Variants in NDST3 observed in about 807,000 individuals in gnomAD.
NDST3 encodes the protein bifunctional heparan sulfate N-deacetylase/N-sulfotransferase 3.
In NDST3, 58 loss-of-function variants were observed where a neutral mutation model predicts 96.1. The ratio of observed to expected loss-of-function variants is 0.60; its 90% CI spans 0.49 to 0.75. The LOEUF (loss-of-function observed/expected upper bound fraction) is 0.75. NDST3 is among the 30% of genes least tolerant of loss of function. The pLI is 0.00. For missense variants in NDST3, 788 were observed against 1,034.2 expected (o/e 0.76, Z 3.27); for synonymous variants, 333 against 359.7 (o/e 0.93, Z 0.84).
At chr4:118,226,070 C>G (rs1739860908) in intron 7 of NDST3, among the ~76,000 whole-genome samples, 1 of 151,812 alleles carries the variant, frequency 6.6e-6, no homozygotes, top group Non-Finnish European at 1.5e-5. Flanking sequence ...TAAAAATAAG[C>G]AGAAGTCTTA....
intron 6 of NDST3, among the ~76,000 whole-genome samples, chr4:118,170,538 G>A (rs1735870091): frequency 6.6e-6 from 1 of 152,132 alleles, no homozygotes; most frequent in South Asian, 2.1e-4. Context: ...GACCAGCCTG[G>A]CCAATATGGT....
At chr4:118,060,528 C>T (rs1725809630) in intron 2 of NDST3, among the ~76,000 whole-genome samples, 1 of 152,062 alleles carries the variant, frequency 6.6e-6, no homozygotes, top group Non-Finnish European at 1.5e-5. Flanking sequence ...TTTTAATTAA[C>T]AAGATCAATC....
Position 118,054,273 on chromosome 4 carries a change from A to G in NDST3, c.363A>G (p.Ile121Met). The change falls in exon 2 of 14, where the codon ATA becomes ATG. Residue 121 changes from isoleucine to methionine, a missense_variant. Physicochemically the swap from Ile to Met is conservative, Grantham distance 10. This residue lies in a region of NDST3 where 234 missense variants were observed against 256.9 expected (regional missense o/e 0.91). Coordinates refer to ENST00000296499, the MANE Select transcript of NDST3 (RefSeq NM_004784.3). The stretch of plus-strand genomic sequence containing the variant: ...GAAAGGGAGATCTCCCAGTGCTTAT[A>G]GACAAAATGAAAGGCAAATACATTC... Reference protein sequence around the residue: ...APGKGDLPVLIDKMKGKYILI... With the variant: ...APGKGDLPVLMDKMKGKYILI... 1.2e-6 allele frequency: 2 copies of G among 1,612,522 alleles called. No homozygotes were observed. Among genetic ancestry groups the G allele is most frequent in the Non-Finnish European group, 1.7e-6 (2 of 1,179,234 alleles).
chr4:118,234,312 C>T lies in NDST3; in HGVS notation c.1943+1177C>T, dbSNP rs193143550. On this transcript the variant is annotated intron_variant, in intron 9 of 13. Transcript: ENST00000296499. ...CTGTGGTCTCAGCTAATTTGGGAGGCTGAGATGGGAGGATAACCTGAGCCC... is the reference window on the plus strand; with the variant it reads ...CTGTGGTCTCAGCTAATTTGGGAGGTTGAGATGGGAGGATAACCTGAGCCC... Among the ~76,000 whole-genome samples the T allele has an allele frequency of 7.9e-5, 12 of 152,056 alleles. No homozygotes were observed. The East Asian group carries it at 2.1e-3, about 27-fold the overall frequency.
At chr4:118,172,249 G>A (rs750909475) in intron 6 of NDST3, among the ~76,000 whole-genome samples, 2 of 152,132 alleles carry the variant, frequency 1.3e-5, no homozygotes, top group Non-Finnish European at 2.9e-5. Flanking sequence ...AGTAAAATTG[G>A]GATTCTGAGA....
At chr4:118,071,151 T>C (rs1483270521) in intron 2 of NDST3, among the ~76,000 whole-genome samples, 2 of 152,138 alleles carry the variant, frequency 1.3e-5, no homozygotes, top group Non-Finnish European at 2.9e-5. Flanking sequence ...TGGTTCCAAG[T>C]CTTTCTATTG....
intron 6 of NDST3, among the ~76,000 whole-genome samples, chr4:118,185,600 G>A (rs1004112586): frequency 6.6e-6 from 1 of 152,144 alleles, no homozygotes; most frequent in East Asian, 1.9e-4. Flanking sequence ...TCTTGAGCCA[G>A]GGTACATTCA....
chr4:118,071,466 T>C (rs1158891599), intron 2 of NDST3, among the ~76,000 whole-genome samples: 1 of 152,122 alleles, frequency 6.6e-6, no homozygotes, highest in Non-Finnish European at 1.5e-5. Flanking sequence ...TTTGCTTTCA[T>C]ATGTACTCAT....
Position 118,053,969 on chromosome 4 carries a change from C to G in NDST3, c.59C>G (p.Thr20Ser). The G allele has an allele frequency of 6.2e-7, 1 of 1,611,870 alleles. No individual in the cohort carries two copies. The highest frequency in any genetic ancestry group is 1.3e-5 in the African/African-American group (1 of 74,896). The change falls in exon 2 of 14, where the codon ACT becomes AGT. Residue 20 changes from threonine (T) to serine (S), a missense_variant. Around this residue, in one of 3 missense-constraint regions of NDST3, gnomAD observed 234 missense variants for 256.9 expected, o/e 0.91. Transcript: ENST00000296499. ...HFQRTVILLA[T>S]FCMVSIIISA... is the part of the protein sequence containing the mutation. ...CAAAGAACAGTCATTCTGCTTGCCA[C>G]TTTTTGTATGGTGAGCATTATCATT...
At chr4:118,121,816 A>C (rs1247417160) in intron 4 of NDST3, among the ~76,000 whole-genome samples, 1 of 152,176 alleles carries the variant, frequency 6.6e-6, no homozygotes, top group African/African-American at 2.4e-5. Flanking sequence ...TTTCACCTAC[A>C]TGAGGATACC....
chr4:118,056,401 G>C (rs1725432199), intron 2 of NDST3, among the ~76,000 whole-genome samples: 1 of 151,848 alleles, frequency 6.6e-6, no homozygotes, highest in Non-Finnish European at 1.5e-5. Flanking sequence ...ACACATTAAA[G>C]AAAAATTTGG....
At chr4:118,136,425 A>G (rs114601725) in intron 4 of NDST3, among the ~76,000 whole-genome samples, 1 of 152,182 alleles carries the variant, frequency 6.6e-6, no homozygotes, top group Non-Finnish European at 1.5e-5. Flanking sequence ...ACTTTAGTTG[A>G]GCACAAATTA....
chr4:118,251,108 AT>A (rs1300326939), intron 12 of NDST3, among the ~76,000 whole-genome samples: 22 of 138,724 alleles, frequency 1.6e-4, no homozygotes, highest in Non-Finnish European at 2.8e-4. Context: ...TTATTTATTT[AT>A]TTATTTATTA....
intron 2 of NDST3, among the ~76,000 whole-genome samples, chr4:118,073,616 T>C (rs1727261310): frequency 6.6e-6 from 1 of 152,088 alleles, no homozygotes; most frequent in African/African-American, 2.4e-5. Context: ...TCTCTCTTTT[T>C]CTCTTTATTT....
chr4:118,175,858 T>C (rs945082308), intron 6 of NDST3, among the ~76,000 whole-genome samples: 8 of 152,136 alleles, frequency 5.3e-5, no homozygotes, highest in African/African-American at 1.7e-4. Context: ...TATGTAAATG[T>C]GTGTTCTCAG....
chr4:118,161,745 G>A (rs1421865304), intron 6 of NDST3, among the ~76,000 whole-genome samples: 1 of 152,178 alleles, frequency 6.6e-6, no homozygotes, highest in Non-Finnish European at 1.5e-5. Flanking sequence ...ATTAGGGTGG[G>A]AGTGACCTGA....
chr4:118,177,040 G>T (rs1736323675), intron 6 of NDST3, among the ~76,000 whole-genome samples: 1 of 151,990 alleles, frequency 6.6e-6, no homozygotes, highest in South Asian at 2.1e-4. Context: ...GAAGAGGAAA[G>T]CCATAAGACA....
intron 9 of NDST3, among the ~76,000 whole-genome samples, chr4:118,234,378 C>G (rs1740501854): frequency 6.6e-6 from 1 of 152,070 alleles, no homozygotes; most frequent in South Asian, 2.1e-4. Flanking sequence ...TGCACCACTG[C>G]ACTCCAGCCT....
intron 2 of NDST3, among the ~76,000 whole-genome samples, chr4:118,102,305 T>C (rs1054568127): frequency 1.3e-5 from 2 of 152,128 alleles, no homozygotes; most frequent in African/African-American, 4.8e-5. Flanking sequence ...TTAGGGTTCC[T>C]GGATTGGCAT....
Sources: allele counts gnomAD v4.1 joint callset (sites outside exome capture counted in the v4.1 genomes callset), GRCh38; gene constraint gnomAD v4.1.1; regional missense constraint gnomAD v4.1.1; transcripts MANE v1.5; gene names NCBI Gene and HGNC (gene_info 2026-07-23, HGNC 2026-07-21).